The following MAOB variants were observed in gnomAD, a reference collection of about 807,000 sequenced individuals.
MAOB encodes the protein amine oxidase [flavin-containing] B.
In MAOB, 15 loss-of-function variants were observed where a neutral mutation model predicts 41.9. The observed-to-expected ratio is 0.36, with a 90% CI of 0.24 to 0.55. The LOEUF (loss-of-function observed/expected upper bound fraction) is 0.55. Among genes scored for constraint, MAOB ranks in the 20% least tolerant of loss-of-function variants. The probability of loss-of-function intolerance (pLI) is 0.86; values close to 1 mark genes in which losing one functional copy is unlikely to be tolerated. For synonymous variants in MAOB, 167 were observed against 144.2 expected (o/e 1.16, Z -1.13); for missense variants, 345 against 398.7 (o/e 0.87, Z 1.15).
At chrX:43,861,848 A>C (rs1474601858) in intron 1 of MAOB, among the ~76,000 whole-genome samples, 1 of 107,325 alleles carries the variant, frequency 9.3e-6, no homozygotes, top group Non-Finnish European at 1.9e-5. Context: ...ATTATGCTCC[A>C]GCTGAAACGT....
At chrX:43,872,106 C>G (rs1480943453) in intron 1 of MAOB, among the ~76,000 whole-genome samples, 1 of 111,590 alleles carries the variant, frequency 9.0e-6, no homozygotes, top group Non-Finnish European at 1.9e-5. Flanking sequence ...CAACAGTTAT[C>G]TAATTAATGA....
rs182399372 is a variant in MAOB at position 43,784,922 on chromosome X, C to T, written c.929-3378G>A. Among the ~76,000 whole-genome samples, 242 of 112,042 alleles carry T rather than the reference C, an allele frequency of 2.2e-3. 2 individuals are homozygous for T. Among genetic ancestry groups the T allele is most frequent in the Non-Finnish European group, 3.7e-3 (197 of 53,163 alleles). On this transcript the variant is annotated intron_variant, in intron 8 of 14. Coordinates refer to ENST00000378069, the MANE Select transcript of MAOB (RefSeq NM_000898.5). ...TAGCCCTTTGGGAGGCCAAGATGGG[C>T]GGATCACTTGAGGTCAGGAGTTCAA...
At chrX:43,779,978 T>C (rs756732852) in intron 10 of MAOB, among the ~76,000 whole-genome samples, 20 of 111,720 alleles carry the variant, frequency 1.8e-4, no homozygotes, top group African/African-American at 6.5e-4. Flanking sequence ...CAGTAATTTT[T>C]CTCCCTGGTT....
intron 10 of MAOB, 49 bp downstream of exon 10, chrX:43,780,293 G>C (rs776653384): frequency 8.0e-6 from 8 of 998,882 alleles, no homozygotes; most frequent in Non-Finnish European, 8.3e-6. Flanking sequence ...GGGATGGAGT[G>C]GGGGGGAAAG....
intron 1 of MAOB, among the ~76,000 whole-genome samples, chrX:43,848,075 A>T (rs1009514658): frequency 3.6e-5 from 4 of 112,516 alleles, no homozygotes; most frequent in African/African-American, 1.3e-4. Context: ...TCAGTGATGT[A>T]CAACATGATT....
chrX:43,865,588 T>C (rs2035359605), intron 1 of MAOB, among the ~76,000 whole-genome samples: 1 of 111,981 alleles, frequency 8.9e-6, no homozygotes, highest in Non-Finnish European at 1.9e-5. Context: ...AAGCTATTAT[T>C]TAAAAATCTT....
chrX:43,856,690 T>C (rs1374719410), intron 1 of MAOB, among the ~76,000 whole-genome samples: 2 of 111,163 alleles, frequency 1.8e-5, no homozygotes, highest in Non-Finnish European at 1.9e-5. Flanking sequence ...AAAGAAAATG[T>C]TACTAAGGAA....
chrX:43,811,141 G>A (rs1182147751), intron 3 of MAOB, among the ~76,000 whole-genome samples: 1 of 111,791 alleles, frequency 8.9e-6, no homozygotes, highest in Non-Finnish European at 1.9e-5. Context: ...TGAGTGAGTG[G>A]CTCTCAGAAA....
At chrX:43,847,041 T>A (rs1350373208) in intron 1 of MAOB, among the ~76,000 whole-genome samples, 1 of 112,441 alleles carries the variant, frequency 8.9e-6, no homozygotes, top group Non-Finnish European at 1.9e-5. Context: ...TAACAATTTG[T>A]TTGTTAAAAA....
chrX:43,780,146 C>A (rs1214244128), intron 10 of MAOB, among the ~76,000 whole-genome samples, 196 bp downstream of exon 10: 1 of 111,356 alleles, frequency 9.0e-6, no homozygotes, highest in African/African-American at 3.3e-5. Flanking sequence ...TACAACAAGA[C>A]CCTTATAATT....
intron 3 of MAOB, among the ~76,000 whole-genome samples, chrX:43,816,461 T>A (rs1176211748): frequency 1.8e-5 from 2 of 112,033 alleles, no homozygotes; most frequent in Admixed American, 9.5e-5. Flanking sequence ...AGTAAATGAA[T>A]GGTTGATGTA....
rs757603667 is a variant in MAOB at position 43,795,895 on chromosome X, A to G, written c.619-7T>C. 20 of 1,199,485 alleles carry G rather than the reference A, an allele frequency of 1.7e-5. No homozygotes were observed. In the Admixed American group the frequency reaches 3.4e-4, roughly 21 times the overall value. On this transcript the variant is annotated splice_region_variant and splice_polypyrimidine_tract_variant and intron_variant, in intron 6 of 14. Transcript: ENST00000378069. ...CGCCCACAAATTTCCTCTCCTGGAA[A>G]GAGAAAAGGAGGTGAAAGAGAAACG...
intron 1 of MAOB, among the ~76,000 whole-genome samples, chrX:43,846,029 C>T (rs2035199251): frequency 8.9e-6 from 1 of 112,144 alleles, no homozygotes; most frequent in Admixed American, 9.5e-5. Context: ...GAATACAGGG[C>T]ACAGGATTTA....
At chrX:43,769,222 G>C (rs1264573346) in intron 13 of MAOB, 85 bp downstream of exon 13, 1 of 1,056,980 alleles carries the variant, frequency 9.5e-7, no homozygotes, top group Non-Finnish European at 1.2e-6. Context: ...TGGAGAGTTG[G>C]TCTCCAGGCT....
At chrX:43,851,549 G>A (rs935074051) in intron 1 of MAOB, among the ~76,000 whole-genome samples, 1 of 111,462 alleles carries the variant, frequency 9.0e-6, no homozygotes, top group African/African-American at 3.3e-5. Flanking sequence ...TATGATAGTA[G>A]CCCTCCTACG....
intron 1 of MAOB, among the ~76,000 whole-genome samples, chrX:43,864,622 G>T (rs1307059220): frequency 2.7e-5 from 3 of 111,494 alleles, no homozygotes; most frequent in African/African-American, 9.8e-5. Flanking sequence ...ACATAGAGGA[G>T]GTTTAGGTTT....
intron 1 of MAOB, among the ~76,000 whole-genome samples, chrX:43,869,522 T>C (rs2147180606): frequency 8.9e-6 from 1 of 111,799 alleles, no homozygotes; most frequent in African/African-American, 3.3e-5. Context: ...TTAGAATCTT[T>C]AGGACCCCAA....
intron 1 of MAOB, among the ~76,000 whole-genome samples, chrX:43,848,793 A>T (rs1237945455): frequency 8.9e-6 from 1 of 111,868 alleles, no homozygotes; most frequent in Admixed American, 9.5e-5. Context: ...ACCTCAGGTG[A>T]TCTGCCTGCC....
intron 4 of MAOB, 51 bp downstream of exon 4, chrX:43,803,249 G>A (rs759863467): frequency 9.6e-7 from 1 of 1,045,530 alleles, no homozygotes; most frequent in Non-Finnish European, 1.3e-6. Flanking sequence ...TTTCTTTGAA[G>A]GATGAAACTT....
Sources: gnomAD v4.1 joint callset for allele counts (sites outside exome capture counted in the v4.1 genomes callset) on GRCh38, gnomAD v4.1.1 for gene constraint, MANE v1.5 for transcripts, NCBI Gene and HGNC (gene_info 2026-07-23, HGNC 2026-07-21) for gene names.